The following ISYNA1 variants were observed in gnomAD, a reference collection of about 807,000 sequenced individuals.
The protein encoded by ISYNA1 is inositol-3-phosphate synthase 1.
ISYNA1 carries 34 observed loss-of-function variants against 50.3 expected under a neutral mutation model. The observed-to-expected ratio is 0.68, with a 90% CI of 0.51 to 0.90. ISYNA1 has a LOEUF of 0.90. Ranked by LOEUF, ISYNA1 falls within the 40% of genes least tolerant of loss-of-function variation. The pLI is 0.00. For synonymous variants in ISYNA1, 396 were observed against 349.9 expected (o/e 1.13, Z -1.47); for missense variants, 718 against 784.8 (o/e 0.91, Z 1.02).
At position 18,436,436 on chromosome 19, in the gene ISYNA1, G is replaced by A. The variant is rs138096546; in HGVS notation, c.653C>T (p.Ala218Val). Residue 218 changes from alanine (A) to valine (V), a missense_variant, in exon 6 of 11, where the codon GCG becomes GTG. Coordinates refer to ENST00000338128, the MANE Select transcript of ISYNA1 (RefSeq NM_016368.5). ...RRDIRDFRSS[A>V]GLDKVIVLWT... ...CAGCACTATGACTTTGTCCAGCCCC[G>A]CGCTAGACCGGAAGTCTCGGATGTC... 1.6e-5 allele frequency: 25 copies of A among 1,609,384 alleles called. No homozygotes were observed. The highest frequency in any genetic ancestry group is 2.0e-5 in the Non-Finnish European group (24 of 1,179,862).
Position 18,436,109 on chromosome 19 carries a change from C to T in ISYNA1, c.898G>A (p.Gly300Ser), listed in dbSNP as rs1974006983. The T allele has an allele frequency of 1.2e-6, 2 of 1,612,982 alleles. No homozygotes were observed. Among genetic ancestry groups the T allele is most frequent in the East Asian group, 4.5e-5 (2 of 44,878 alleles). Residue 300 changes from glycine to serine, a missense_variant, in exon 7 of 11, where the codon GGC becomes AGC. Transcript: ENST00000338128. ...TGGCCTGACTTGAAGTCATCTCCGC[C>T]CACAAAAACCCGGTGCTGCCACGCG... ...ELAWQHRVFVGGDDFKSGQTK... is the reference protein window; with the variant it reads ...ELAWQHRVFVSGDDFKSGQTK...
Position 18,435,054 on chromosome 19 carries a change from C to G in ISYNA1, c.1536G>C (p.Gly512=), listed in dbSNP as rs1170102822. Residue 512 remains glycine, a synonymous_variant, in exon 11 of 11, where the codon GGG becomes GGC. Coordinates refer to ENST00000338128, the MANE Select transcript of ISYNA1 (RefSeq NM_016368.5). ...MLLEHKMERP[G]PSLKRVGPVA... is the part of the protein sequence containing the mutation. ...CGGGTCCAACTCGCTTGAGGCTGGG[C>G]CCTGGGCGCTCCATTTTGTGTTCCA... The G allele has an allele frequency of 6.2e-7, 1 of 1,613,514 alleles. No individual in the cohort carries two copies. The highest frequency in any genetic ancestry group is 2.2e-5 in the East Asian group (1 of 44,874).
Position 18,437,031 on chromosome 19 carries a change from C to CA in ISYNA1, c.356dup (p.Phe120ValfsTer98). 6.2e-7 allele frequency: 1 copy of CA among 1,608,814 alleles called. No homozygotes were observed. Among genetic ancestry groups the CA allele is most frequent in the Non-Finnish European group, 8.5e-7 (1 of 1,178,602 alleles). On this transcript the variant is annotated frameshift_variant, in exon 4 of 11. Transcript: ENST00000338128. LOFTEE classifies it high-confidence loss of function. Reference sequence around the variant, plus strand: ...GCAGCACCGCGCTGAAGGGTACGAACACCTCCTGGCCCTCGGCGTCCAGGC... The same window carrying CA: ...GCAGCACCGCGCTGAAGGGTACGAACAACCTCCTGGCCCTCGGCGTCCAGGC...
rs1227642223 is a variant in ISYNA1, at chr19:18,435,933, A to G, written c.976-12T>C. The G allele has an allele frequency of 3.1e-6, 5 of 1,613,558 alleles. No individual in the cohort carries two copies. The South Asian group carries it at 4.4e-5, about 14-fold the overall frequency. On this transcript the variant is annotated splice_polypyrimidine_tract_variant and intron_variant, in intron 7 of 10. Transcript: ENST00000338128. ...ACGATGGACATGGTCTGTGGGTACA[A>G]GGGAAGCCCCAGCAGCTGCAGGCCC...
Position 18,436,039 on chromosome 19 carries a change from C to G in ISYNA1, c.968G>C (p.Gly323Ala). ...CTCCCTAGGCCCACGCACCTTGAGG[C>G]CGGAGCCAATGAGGAAGTCCACAAG... is the stretch of plus-strand genomic sequence containing the variant. Reference protein sequence around the residue: ...SVLVDFLIGSGLKTMSIVSYN... With the variant: ...SVLVDFLIGSALKTMSIVSYN... Residue 323 changes from glycine to alanine, a missense_variant, in exon 7 of 11, where the codon GGC (glycine) becomes GCC (alanine). Gly to Ala is a moderately conservative substitution (Grantham distance 60). Around this residue, in one of 3 missense-constraint regions of ISYNA1, gnomAD observed 403 missense variants for 466.6 expected, o/e 0.86. Transcript: ENST00000338128. 6.2e-7 allele frequency: 1 copy of G among 1,613,362 alleles called. No individual in the cohort carries two copies. Among genetic ancestry groups the G allele is most frequent in the Non-Finnish European group, 8.5e-7 (1 of 1,179,936 alleles).
rs1232721422 is a variant in ISYNA1 at position 18,437,608 on chromosome 19, G to A, written c.273C>T (p.Ser91=). 2 of 1,257,340 alleles carry A rather than the reference G, an allele frequency of 1.6e-6. No individual in the cohort carries two copies. The highest frequency in any genetic ancestry group is 2.0e-6 in the Non-Finnish European group (2 of 976,456). The allele number at this position is 1,257,340 out of a possible 1,614,324, so 77.9% of individuals were successfully genotyped here. The change falls in exon 3 of 11, where the codon AGC becomes AGT. Residue 91 remains serine (S), a synonymous_variant. Coordinates refer to ENST00000338128, the MANE Select transcript of ISYNA1 (RefSeq NM_016368.5). Reference sequence around the variant, plus strand: ...CCCCTCCCGCCCCCACCTTGCGGCCGCTGCGCGTGGGCCAGGACAAACGCA... The same window carrying A: ...CCCCTCCCGCCCCCACCTTGCGGCCACTGCGCGTGGGCCAGGACAAACGCA... ...NRLRLSWPTR[S]GRKEANYYGS...
In ISYNA1 at chr19:18,434,577, C is replaced by G. The variant is rs1973862908; in HGVS notation, c.*336G>C. 1.9e-6 allele frequency: 1 copy of G among 518,576 alleles called. No individual in the cohort carries two copies. Among genetic ancestry groups the G allele is most frequent in the African/African-American group, 1.9e-5 (1 of 51,820 alleles). 32.1% of individuals were successfully genotyped at this position (518,576 alleles called of 1,614,324 possible). On this transcript the variant is annotated 3_prime_UTR_variant, in exon 11 of 11. Transcript: ENST00000338128. ...GGTTTTTGGTAGCTTGTCTCAGATT[C>G]CCTCTTTGGCCTTCTGCCACCACAC... is the stretch of plus-strand genomic sequence containing the variant.
rs373630499 is a variant in ISYNA1, at chr19:18,435,599, G to T, written c.1218C>A (p.Gly406=). 16 of 1,609,734 alleles carry T rather than the reference G, an allele frequency of 9.9e-6. No individual in the cohort carries two copies. Among genetic ancestry groups the T allele is most frequent in the African/African-American group, 1.3e-5 (1 of 74,718 alleles). The change falls in exon 9 of 11, where the codon GGC becomes GGA. Residue 406 remains glycine (G), a synonymous_variant. Coordinates refer to ENST00000338128, the MANE Select transcript of ISYNA1 (RefSeq NM_016368.5). ...TGTGCAGCACCAGTGTGTTGGTTCC[G>T]CCCAGCATCAGCTCCGAGGTATACT... The part of the protein sequence containing the change: ...LDEYTSELML[G]GTNTLVLHNT...
chr19:18,435,823 G>A lies in ISYNA1; in HGVS notation c.1074C>T (p.Asn358=), dbSNP rs759435201. 1.2e-6 allele frequency: 2 copies of A among 1,613,952 alleles called. No homozygotes were observed. Among genetic ancestry groups the A allele is most frequent in the South Asian group, 2.2e-5 (2 of 91,086 alleles). The stretch of plus-strand genomic sequence containing the variant: ...TGCTCTGCACCATGTCGTCCACCAC[G>A]TTGCTCTTGGACACCTCCTTAGAGC... ...QFRSKEVSKS[N]VVDDMVQSNP... is the part of the protein sequence containing the mutation. Residue 358 remains asparagine, a synonymous_variant, in exon 8 of 11, where the codon AAC becomes AAT. Transcript: ENST00000338128.
In ISYNA1 at chr19:18,435,989, C is replaced by T. The variant is rs553256019; in HGVS notation, c.975+43G>A. ...CCCCACAAGCCAGGTGCTCGCGGCC[C>T]AGGCCCCCTTCCTGCACTCGGCAGC... On this transcript the variant is annotated intron_variant, in intron 7 of 10. Transcript: ENST00000338128. 4 of 1,612,546 alleles carry T rather than the reference C, an allele frequency of 2.5e-6. No individual in the cohort carries two copies. In the East Asian group the frequency reaches 8.9e-5, roughly 36 times the overall value.
Position 18,436,127 on chromosome 19 carries a change from G to C in ISYNA1, c.880C>G (p.Gln294Glu). ...TCTCCGCCCACAAAAACCCGGTGCT[G>C]CCACGCGAGCTCAAGAGCTCCGGGC... is the stretch of plus-strand genomic sequence containing the variant. The part of the protein sequence containing the change: ...LVPGALELAW[Q>E]HRVFVGGDDF... The change falls in exon 7 of 11, where the codon CAG becomes GAG. Residue 294 changes from glutamine to glutamate, a missense_variant. This residue lies in a region of ISYNA1 where 403 missense variants were observed against 466.6 expected (regional missense o/e 0.86). Transcript: ENST00000338128. 1 of 1,612,866 alleles carries C rather than the reference G, an allele frequency of 6.2e-7. No homozygotes were observed. Among genetic ancestry groups the C allele is most frequent in the African/African-American group, 1.3e-5 (1 of 75,072 alleles).
rs1973863377 is a variant in ISYNA1 at position 18,434,581 on chromosome 19, CT to C, written c.*331del. The C allele has an allele frequency of 1.9e-6, 1 of 524,812 alleles. No homozygotes were observed. The highest frequency in any genetic ancestry group is 1.9e-5 in the African/African-American group (1 of 52,234). The allele number at this position is 524,812 out of a possible 1,614,324, so 32.5% of individuals were successfully genotyped here. A position where few individuals can be genotyped will look rare whatever the true frequency, so the allele number is the denominator to read the frequency against. ...TTTGGTAGCTTGTCTCAGATTCCCT[CT>C]TTGGCCTTCTGCCACCACACTCTCC... On this transcript the variant is annotated 3_prime_UTR_variant, in exon 11 of 11. Transcript: ENST00000338128.
At position 18,434,864 on chromosome 19, in the gene ISYNA1, C is replaced by T. The variant is rs1973881755; in HGVS notation, c.*49G>A. On this transcript the variant is annotated 3_prime_UTR_variant, in exon 11 of 11. Coordinates refer to ENST00000338128, the MANE Select transcript of ISYNA1 (RefSeq NM_016368.5). ...TTTGTGGGGGCCTTCAAGGTAGGGT[C>T]GTGGGGGGCAGCGGGGAGGAAGAGC... is the stretch of plus-strand genomic sequence containing the variant. 1.1e-5 allele frequency: 17 copies of T among 1,512,654 alleles called. No individual in the cohort carries two copies. Among genetic ancestry groups the T allele is most frequent in the African/African-American group, 2.7e-5 (2 of 72,770 alleles). The allele number at this position is 1,512,654 out of a possible 1,614,324, so 93.7% of individuals were successfully genotyped here.
At position 18,436,177 on chromosome 19, in the gene ISYNA1, T is replaced by C. The variant is rs140705791; in HGVS notation, c.830A>G (p.Asn277Ser). The C allele has an allele frequency of 8.5e-5, 137 of 1,611,716 alleles. No homozygotes were observed. Among genetic ancestry groups the C allele is most frequent in the Non-Finnish European group, 9.8e-5 (116 of 1,179,970 alleles). ...ASILEGCAFLNGSPQNTLVPG... is the reference protein window; with the variant it reads ...ASILEGCAFLSGSPQNTLVPG... ...CACCAGGGTGTTCTGCGGAGACCCA[T>C]TGAGGAAGGCACAGCCCTCCAGGAT... The change falls in exon 7 of 11, where the codon AAT becomes AGT. Residue 277 changes from asparagine to serine, a missense_variant. Asn to Ser is a conservative substitution (Grantham distance 46, BLOSUM62 1). Coordinates refer to ENST00000338128, the MANE Select transcript of ISYNA1 (RefSeq NM_016368.5).
In ISYNA1 at chr19:18,437,098, T is replaced by C. The variant is rs1158257664; in HGVS notation, c.290A>G (p.Asn97Ser). 1.3e-6 allele frequency: 2 copies of C among 1,582,318 alleles called. No individual in the cohort carries two copies. Among genetic ancestry groups the C allele is most frequent in the African/African-American group, 1.3e-5 (1 of 74,488 alleles). ...CGCCTGAGTCAGCGAGCCGTAGTAG[T>C]TGGCCTCCTGGGGGTCAGCAGACAC... is the stretch of plus-strand genomic sequence containing the variant. ...WPTRSGRKEANYYGSLTQAGT... is the reference protein window; with the variant it reads ...WPTRSGRKEASYYGSLTQAGT... The change falls in exon 4 of 11, where the codon AAC becomes AGC. Residue 97 changes from asparagine (N) to serine (S), a missense_variant. This residue lies in a region of ISYNA1 where 403 missense variants were observed against 466.6 expected (regional missense o/e 0.86). Transcript: ENST00000338128.
intron 4 of ISYNA1, 21 bp from the exon 5 acceptor site, chr19:18,436,898 G>C: frequency 6.3e-7 from 1 of 1,592,100 alleles, no homozygotes. Context: ...CCTCACACTC[G>C]GCCCTGCCCG....
chr19:18,437,132 G>A (rs1974090160), intron 3 of ISYNA1, 27 bp from the exon 4 acceptor site: 1 of 1,546,430 alleles, frequency 6.5e-7, no homozygotes, highest in Non-Finnish European at 8.7e-7. Flanking sequence ...ACGGCGAGGT[G>A]ACGGGTGGGA....
chr19:18,434,991 C>T lies in ISYNA1; in HGVS notation c.1599G>A (p.Pro533=), dbSNP rs536858921. The T allele has an allele frequency of 3.1e-6, 5 of 1,613,426 alleles. No homozygotes were observed. The highest frequency in any genetic ancestry group is 2.7e-5 in the African/African-American group (2 of 74,990). ...ATYPMLNKKG[P]VPAATNGCTG... Reference sequence around the variant, plus strand: ...TGCAGCCATTGGTGGCAGCGGGTACCGGTCCTTTCTTGTTCAACATAGGGT... The same window carrying T: ...TGCAGCCATTGGTGGCAGCGGGTACTGGTCCTTTCTTGTTCAACATAGGGT... Residue 533 remains proline, a synonymous_variant, in exon 11 of 11, where the codon CCG becomes CCA. Transcript: ENST00000338128.
intron 3 of ISYNA1, 122 bp from the exon 4 acceptor site, chr19:18,437,227 T>G: frequency 6.9e-7 from 1 of 1,447,222 alleles, no homozygotes. Flanking sequence ...AGTTCCAGGC[T>G]CACAGCCAGG....
Sources: allele counts gnomAD v4.1 joint callset, GRCh38; gene constraint gnomAD v4.1.1; regional missense constraint gnomAD v4.1.1; transcripts MANE v1.5; gene names NCBI Gene and HGNC (gene_info 2026-07-23, HGNC 2026-07-21).